VGLL2: variants seen among roughly 807,000 people sequenced by gnomAD.
VGLL2 encodes vestigial like family member 2.
Under a neutral mutation model 27.0 loss-of-function variants are expected in VGLL2, and 18 were observed. That is an observed-to-expected ratio of 0.67 (90% confidence interval 0.46 to 0.99). VGLL2 has a LOEUF of 0.99. VGLL2 is among the 50% of genes least tolerant of loss of function. VGLL2 has a pLI of 0.00. For synonymous variants in VGLL2, 220 were observed against 201.1 expected (o/e 1.09, Z -0.80); for missense variants, 491 against 452.3 (o/e 1.09, Z -0.78).
chr6:117,265,568 T>C lies in VGLL2; in HGVS notation c.-196T>C, dbSNP rs984715577. 7.2e-6 allele frequency: 4 copies of C among 554,142 alleles called. No individual in the cohort carries two copies. Among genetic ancestry groups the C allele is most frequent in the Non-Finnish European group, 1.3e-5 (4 of 303,730 alleles). 34.3% of individuals were successfully genotyped at this position (554,142 alleles called of 1,614,324 possible). On this transcript the variant is annotated 5_prime_UTR_variant, in exon 1 of 4. Transcript: ENST00000326274. ...AGCGGGAGCTCAGGCGCTTCTGCCC[T>C]GGAGCGCGGTCGGGAGTAAAATCGC...
Position 117,268,481 on chromosome 6 carries a change from G to A in VGLL2, c.381G>A (p.Gly127=). ...GCAGCAAAGCACCAAGGAGCTCTGG[G>A]CCCTGGCGAGGTGAGTATAGGGCCC... is the stretch of plus-strand genomic sequence containing the variant. ...CTSSKAPRSS[G]PWRDCSFPMS... is the part of the protein sequence containing the mutation. The change falls in exon 2 of 4, where the codon GGG becomes GGA. Residue 127 remains glycine (G), a synonymous_variant. Transcript: ENST00000326274. The A allele has an allele frequency of 6.2e-7, 1 of 1,607,890 alleles. No individual in the cohort carries two copies. Among genetic ancestry groups the A allele is most frequent in the Non-Finnish European group, 8.5e-7 (1 of 1,176,878 alleles).
chr6:117,271,474 T>C (rs77915379), intron 3 of VGLL2, among the ~76,000 whole-genome samples: 3,613 of 152,164 alleles, frequency 0.024, 154 homozygotes, highest in African/African-American at 0.083. Flanking sequence ...TAATACACAC[T>C]GGATTTCCAA....
intron 3 of VGLL2, 65 bp downstream of exon 3, chr6:117,271,129 G>T: frequency 8.5e-7 from 1 of 1,174,894 alleles, no homozygotes; most frequent in Non-Finnish European, 1.1e-6. Context: ...CCTGGGCTGT[G>T]CCTAGACCCC....
chr6:117,269,233 G>A (rs556985616), intron 2 of VGLL2, among the ~76,000 whole-genome samples: 1 of 152,086 alleles, frequency 6.6e-6, no homozygotes, highest in Admixed American at 6.5e-5. Context: ...TTATTTGTTG[G>A]ACAACTCAAC....
Position 117,270,819 on chromosome 6 carries a change from GC to G in VGLL2, c.672del (p.Ala225ProfsTer19). 7.0e-7 allele frequency: 1 copy of G among 1,430,332 alleles called. No individual in the cohort carries two copies. Among genetic ancestry groups the G allele is most frequent in the Non-Finnish European group, 9.1e-7 (1 of 1,094,390 alleles). The allele number at this position is 1,430,332 out of a possible 1,614,324, so 88.6% of individuals were successfully genotyped here. A position where few individuals can be genotyped will look rare whatever the true frequency, so the allele number is the denominator to read the frequency against. On this transcript the variant is annotated frameshift_variant, in exon 3 of 4. Coordinates refer to ENST00000326274, the MANE Select transcript of VGLL2 (RefSeq NM_182645.3). ...GGCGCCCAGGCCGCCCCCTACCCGCGCCCCGCCGCCGTGCACGAAGTCTACG... is the reference window on the plus strand; with the variant it reads ...GGCGCCCAGGCCGCCCCCTACCCGCGCCCGCCGCCGTGCACGAAGTCTACG... ...ALGAQAAPYP[R>X]PAAVHEVYAP...
rs774132895 is a variant in VGLL2, at chr6:117,272,442, C to T, written c.914-12C>T. ...GAGTGGGTTTGTAACAGCTTCTGAT[C>T]TTGGTTTGCAGCTCGTCGTTATTCC... On this transcript the variant is annotated splice_polypyrimidine_tract_variant and intron_variant, in intron 3 of 3. Transcript: ENST00000326274. The T allele has an allele frequency of 1.2e-6, 2 of 1,614,148 alleles. No homozygotes were observed. Among genetic ancestry groups the T allele is most frequent in the Non-Finnish European group, 8.5e-7 (1 of 1,180,026 alleles).
Position 117,272,432 on chromosome 6 carries a change from A to C in VGLL2, c.914-22A>C, listed in dbSNP as rs749205204. ...AGCTGAAATGGAGTGGGTTTGTAAC[A>C]GCTTCTGATCTTGGTTTGCAGCTCG... is the stretch of plus-strand genomic sequence containing the variant. On this transcript the variant is annotated intron_variant, in intron 3 of 3. Transcript: ENST00000326274. The C allele has an allele frequency of 3.7e-6, 6 of 1,614,174 alleles. No individual in the cohort carries two copies. In the South Asian group the frequency reaches 6.6e-5, roughly 18 times the overall value.
intron 2 of VGLL2, among the ~76,000 whole-genome samples, chr6:117,268,803 T>G (rs1445318735): frequency 9.2e-5 from 14 of 152,100 alleles, no homozygotes; most frequent in Non-Finnish European, 1.8e-4. Flanking sequence ...TCTCTTAAAG[T>G]AGAATAACAC....
In VGLL2 at chr6:117,270,958, C is replaced by T; in HGVS notation, c.807C>T (p.Leu269=). 8.1e-7 allele frequency: 1 copy of T among 1,235,340 alleles called. No individual in the cohort carries two copies. The highest frequency in any genetic ancestry group is 4.3e-5 in the Admixed American group (1 of 23,270). 76.5% of individuals were successfully genotyped at this position (1,235,340 alleles called of 1,614,324 possible). The change falls in exon 3 of 4, where the codon CTC becomes CTT. Residue 269 remains leucine, a synonymous_variant. Coordinates refer to ENST00000326274, the MANE Select transcript of VGLL2 (RefSeq NM_182645.3). The part of the protein sequence containing the change: ...APAPGSPPCE[L]SGKGEPAGAA... ...CGCCCGGCAGTCCTCCCTGCGAGCT[C>T]TCCGGCAAAGGCGAGCCGGCGGGCG... is the stretch of plus-strand genomic sequence containing the variant.
At chr6:117,267,761 T>G (rs1309468085) in intron 1 of VGLL2, among the ~76,000 whole-genome samples, 1 of 152,218 alleles carries the variant, frequency 6.6e-6, no homozygotes, top group African/African-American at 2.4e-5. Context: ...CTGCCCTGGA[T>G]TCTCAGGCAA....
chr6:117,268,214 G>T lies in VGLL2; in HGVS notation c.114G>T (p.Ala38=). 6.2e-7 allele frequency: 1 copy of T among 1,614,120 alleles called. No homozygotes were observed. The highest frequency in any genetic ancestry group is 8.5e-7 in the Non-Finnish European group (1 of 1,180,022). ...KLAYYSKMQE[A]QECNASPSSS... ...CCTATTATTCCAAAATGCAGGAAGC[G>T]CAGGAGTGCAATGCCAGCCCCAGCA... Residue 38 remains alanine, a synonymous_variant, in exon 2 of 4, where the codon GCG becomes GCT. Transcript: ENST00000326274.
rs1391529052 is a variant in VGLL2 at position 117,273,521 on chromosome 6, G to A, written c.*1027G>A. The A allele has an allele frequency of 6.6e-6, 1 of 152,212 alleles. No homozygotes were observed. The highest frequency in any genetic ancestry group is 6.5e-5 in the Admixed American group (1 of 15,282). 9.4% of individuals were successfully genotyped at this position (152,212 alleles called of 1,614,324 possible). On this transcript the variant is annotated 3_prime_UTR_variant, in exon 4 of 4. Transcript: ENST00000326274. ...TCTGTGCGTGGGCAAAGCTGAAGGT[G>A]ATGAGGAAGAAGAGACGAACATTAA...
intron 2 of VGLL2, among the ~76,000 whole-genome samples, chr6:117,269,870 A>C (rs1248533261): frequency 2.0e-5 from 3 of 152,164 alleles, no homozygotes; most frequent in African/African-American, 7.2e-5. Context: ...CTTCTGTGCA[A>C]ATAATAGAGC....
chr6:117,266,607 T>C (rs1773073588), intron 1 of VGLL2, among the ~76,000 whole-genome samples: 2 of 152,176 alleles, frequency 1.3e-5, no homozygotes, highest in African/African-American at 2.4e-5. Context: ...ATTCTGCCAG[T>C]TTCTCTTGTC....
chr6:117,271,110 G>C (rs1328523840), intron 3 of VGLL2, 46 bp downstream of exon 3: 4 of 1,201,134 alleles, frequency 3.3e-6, no homozygotes, highest in Non-Finnish European at 4.1e-6. Flanking sequence ...GCTCGGCCCC[G>C]TACCCGACCC....
At chr6:117,269,547 T>C (rs1488937633) in intron 2 of VGLL2, among the ~76,000 whole-genome samples, 2 of 152,226 alleles carry the variant, frequency 1.3e-5, no homozygotes, top group African/African-American at 2.4e-5. Flanking sequence ...TGCCTAAATA[T>C]GTTTAACAGG....
intron 3 of VGLL2, among the ~76,000 whole-genome samples, 160 bp downstream of exon 3, chr6:117,271,224 C>A (rs1469566265): frequency 6.6e-6 from 1 of 151,174 alleles, no homozygotes; most frequent in Non-Finnish European, 1.5e-5. Context: ...GGCCCTGTGC[C>A]ATGCGTGTAG....
intron 2 of VGLL2, among the ~76,000 whole-genome samples, chr6:117,268,751 T>A (rs1004702551): frequency 6.6e-6 from 1 of 152,160 alleles, no homozygotes; most frequent in African/African-American, 2.4e-5. Flanking sequence ...CAATATAACC[T>A]TGGGCAAGTC....
rs1773176578 is a variant in VGLL2 at position 117,270,861 on chromosome 6, C to G, written c.710C>G (p.Pro237Arg). The change falls in exon 3 of 4, where the codon CCG becomes CGG. Residue 237 changes from proline to arginine, a missense_variant. Physicochemically the swap from Pro to Arg is moderately radical, Grantham distance 103 (BLOSUM62 -2). Transcript: ENST00000326274. Reference sequence around the variant, plus strand: ...GAAGTCTACGCGCCGCACTTCGACCCGCGCTATGGGCCGCTGCTGATGCCA... The same window carrying G: ...GAAGTCTACGCGCCGCACTTCGACCGGCGCTATGGGCCGCTGCTGATGCCA... ...VHEVYAPHFD[P>R]RYGPLLMPAA... 2.1e-6 allele frequency: 3 copies of G among 1,406,668 alleles called. No homozygotes were observed. The allele number at this position is 1,406,668 out of a possible 1,614,324, so 87.1% of individuals were successfully genotyped here. A position where few individuals can be genotyped will look rare whatever the true frequency, so the allele number is the denominator to read the frequency against.
Sources: gnomAD v4.1 joint callset for allele counts (sites outside exome capture counted in the v4.1 genomes callset) on GRCh38, gnomAD v4.1.1 for gene constraint, MANE v1.5 for transcripts, NCBI Gene and HGNC (gene_info 2026-07-23, HGNC 2026-07-21) for gene names.